SNX8: variants seen among roughly 807,000 people sequenced by gnomAD.
SNX8 encodes sorting nexin 8, also known as sorting nexin-8.
In SNX8, 25 loss-of-function variants were observed where a neutral mutation model predicts 51.6. The ratio of observed to expected loss-of-function variants is 0.48; its 90% confidence interval spans 0.35 to 0.68. The LOEUF is 0.68. Ranked by LOEUF, SNX8 falls within the 30% of genes least tolerant of loss-of-function variation. SNX8 has a pLI of 0.00. For missense variants in SNX8, 695 were observed against 624.0 expected (o/e 1.11, Z -1.21); for synonymous variants, 324 against 277.0 (o/e 1.17, Z -1.68).
At position 2,286,525 on chromosome 7, in the gene SNX8, T is replaced by A. The variant is rs1407911352; in HGVS notation, c.95-8220A>T. On this transcript the variant is annotated intron_variant, in intron 1 of 10. Transcript: ENST00000222990. ...GTGCCATACGGGCTATTTTATAATT[T>A]TTTTTTTTTTTTAATGGAGTCTTGC... Among the ~76,000 whole-genome samples, 1,080 of 114,072 alleles carry A rather than the reference T, an allele frequency of 9.5e-3. 9 individuals are homozygous for A. Among genetic ancestry groups the A allele is most frequent in the South Asian group, 0.044 (152 of 3,454 alleles). The allele number at this position is 114,072 out of a possible 152,430, so 74.8% of individuals were successfully genotyped here.
intron 5 of SNX8, among the ~76,000 whole-genome samples, chr7:2,267,602 G>C (rs1189032783): frequency 6.2e-5 from 9 of 145,124 alleles, no homozygotes; most frequent in African/African-American, 2.3e-4. Context: ...ACGGAGTCTC[G>C]TTCACTCAGT....
At chr7:2,322,880 G>C (rs1383647308) in intron 1 of SNX8, among the ~76,000 whole-genome samples, 1 of 151,644 alleles carries the variant, frequency 6.6e-6, no homozygotes, top group Non-Finnish European at 1.5e-5. Flanking sequence ...ATCCGGGCGT[G>C]GTGGTGGGCA....
chr7:2,262,229 G>A (rs1795353609), intron 7 of SNX8, among the ~76,000 whole-genome samples: 2 of 152,208 alleles, frequency 1.3e-5, no homozygotes, highest in South Asian at 4.2e-4. Flanking sequence ...TGATAGAGAT[G>A]AGATCTTGCT....
chr7:2,351,944 G>C lies in SNX8; in HGVS notation c.-66+2278C>G, dbSNP rs190396482. ...TTTTTTTTGAGATGGATTTTTGCTC[G>C]TTGCCCAGGCTGGAGTGAAATGGTG... On this transcript the variant is annotated intron_variant, in intron 1 of 5. Transcript: ENST00000435336. Among the ~76,000 whole-genome samples the C allele has an allele frequency of 3.8e-3, 426 of 112,836 alleles. 3 individuals are homozygous for C. Among genetic ancestry groups the C allele is most frequent in the African/African-American group, 0.015 (414 of 28,308 alleles). 74.0% of individuals were successfully genotyped at this position (112,836 alleles called of 152,430 possible).
chr7:2,275,077 C>T (rs1380801934), intron 3 of SNX8, 35 bp downstream of exon 3: 5 of 1,447,758 alleles, frequency 3.5e-6, no homozygotes, highest in Non-Finnish European at 9.7e-7. Context: ...GGGCTCGCTC[C>T]CTCCGCCCCC....
At chr7:2,269,030 G>A (rs1025015532) in intron 5 of SNX8, among the ~76,000 whole-genome samples, 837 of 109,658 alleles carry the variant, frequency 7.6e-3, no homozygotes, top group African/African-American at 8.1e-3. Context: ...TGGGAGGTGT[G>A]CCCAACAGCT....
chr7:2,257,159 G>C, intron 9 of SNX8, 136 bp from the exon 10 acceptor site: 1 of 1,222,182 alleles, frequency 8.2e-7, no homozygotes, highest in Non-Finnish European at 1.1e-6. Context: ...AAGGTGGCGA[G>C]GTAAGAGAGG....
At chr7:2,285,540 G>A (rs1351663551) in intron 1 of SNX8, among the ~76,000 whole-genome samples, 9 of 152,158 alleles carry the variant, frequency 5.9e-5, no homozygotes, top group Non-Finnish European at 1.2e-4. Context: ...CAGCAGGAAC[G>A]CCCCTCGAAC....
upstream of SNX8, among the ~76,000 whole-genome samples, chr7:2,317,763 C>T (rs1194447357): frequency 6.6e-6 from 1 of 152,058 alleles, no homozygotes; most frequent in Non-Finnish European, 1.5e-5. Flanking sequence ...AGGGTCCCCG[C>T]ACACCAGGAC....
intron 1 of SNX8, among the ~76,000 whole-genome samples, chr7:2,282,814 T>C (rs901680568): frequency 1.5e-4 from 23 of 151,642 alleles, no homozygotes; most frequent in Admixed American, 6.6e-4. Flanking sequence ...CCATCTCTAC[T>C]AAACACACAA....
intron 1 of SNX8, chr7:2,337,099 C>G (rs1008388644): frequency 6.6e-6 from 1 of 151,882 alleles, no homozygotes; most frequent in African/African-American, 2.4e-5. Context: ...TGTTCTGTCT[C>G]TTGATAAGGG....
intron 1 of SNX8, among the ~76,000 whole-genome samples, chr7:2,312,633 CTCCCCGCTGCCGTT>C (rs1169413645): frequency 6.6e-6 from 1 of 152,198 alleles, no homozygotes; most frequent in Non-Finnish European, 1.5e-5. Flanking sequence ...CCCTCCCCTG[CTCCCCGCTGCCGTT>C]TCTCGCCGAC....
intron 9 of SNX8, 133 bp downstream of exon 9, chr7:2,257,232 C>T: frequency 8.3e-7 from 1 of 1,211,788 alleles, no homozygotes; most frequent in Non-Finnish European, 1.1e-6. Context: ...AGCTCCCTGC[C>T]TCCACTGCAC....
At chr7:2,265,715 G>GT (rs1249653469) in intron 5 of SNX8, among the ~76,000 whole-genome samples, 2 of 152,178 alleles carry the variant, frequency 1.3e-5, no homozygotes, top group Non-Finnish European at 2.9e-5. Flanking sequence ...TCCACATGGG[G>GT]GGAAGGCCTC....
upstream of SNX8, among the ~76,000 whole-genome samples, chr7:2,317,199 G>T (rs1390273802): frequency 7.0e-6 from 1 of 142,524 alleles, no homozygotes; most frequent in Non-Finnish European, 1.5e-5. Flanking sequence ...CATGGAGATT[G>T]GTAGGCCTGC....
At chr7:2,279,964 C>T (rs1218471569) in intron 1 of SNX8, among the ~76,000 whole-genome samples, 1 of 152,096 alleles carries the variant, frequency 6.6e-6, no homozygotes, top group Admixed American at 6.6e-5. Context: ...AATAAACTAG[C>T]CATACGATCT....
intron 1 of SNX8, among the ~76,000 whole-genome samples, chr7:2,311,648 AC>A (rs1796658885): frequency 6.6e-6 from 1 of 152,190 alleles, no homozygotes; most frequent in East Asian, 1.9e-4. Flanking sequence ...ATGTAAAAAG[AC>A]CTGCGAGGCC....
upstream of SNX8, among the ~76,000 whole-genome samples, chr7:2,354,472 A>ACATTTTCCT: frequency 6.6e-6 from 1 of 152,112 alleles, no homozygotes; most frequent in South Asian, 2.1e-4. Context: ...GAGTTAGAGG[A>ACATTTTCCT]CATTTTCCTA....
intron 1 of SNX8, among the ~76,000 whole-genome samples, chr7:2,351,905 G>GTTTTT (rs748043966): frequency 2.3e-5 from 2 of 88,336 alleles, no homozygotes; most frequent in Admixed American, 1.4e-4. Flanking sequence ...GTTGTTGTTG[G>GTTTTT]TTTTTTTTTT....
Sources: gnomAD v4.1 joint callset for allele counts (sites outside exome capture counted in the v4.1 genomes callset) on GRCh38, gnomAD v4.1.1 for gene constraint, MANE v1.5 for transcripts, NCBI Gene and HGNC (gene_info 2026-07-23, HGNC 2026-07-21) for gene names.